Variants in STARD13 observed in about 807,000 individuals in gnomAD.
The protein encoded by STARD13 is stAR-related lipid transfer protein 13.
In STARD13, 62 loss-of-function variants were observed where a neutral mutation model predicts 106.4. That is an observed-to-expected ratio of 0.58 (90% CI 0.48 to 0.72). The LOEUF (loss-of-function observed/expected upper bound fraction) is 0.72. Ranked by LOEUF, STARD13 falls within the 30% of genes least tolerant of loss-of-function variation. The pLI is 0.00. For missense variants in STARD13, 1,387 were observed against 1,424.0 expected (o/e 0.97, Z 0.42); for synonymous variants, 565 against 553.0 (o/e 1.02, Z -0.31).
At chr13:33,117,258 G>T (rs377235404) in intron 8 of STARD13, among the ~76,000 whole-genome samples, 1 of 152,082 alleles carries the variant, frequency 6.6e-6, no homozygotes, top group African/African-American at 2.4e-5. Flanking sequence ...TCAGGCACCC[G>T]CCACCATGCC....
chr13:33,291,701 C>T (rs1344678366), intron 1 of STARD13, among the ~76,000 whole-genome samples: 1 of 152,136 alleles, frequency 6.6e-6, no homozygotes, highest in Non-Finnish European at 1.5e-5. Context: ...AGAAATTTAC[C>T]ACTATACCCC....
At chr13:33,359,465 C>T in the STARD13 span, 16 of 176,858 alleles carry the variant, frequency 9.0e-5, no homozygotes, top group East Asian at 6.8e-4. Flanking sequence ...TAACACTCAC[C>T]GCGAGGGTCC....
the STARD13 span, among the ~76,000 whole-genome samples, chr13:33,482,175 A>G: frequency 1.5e-3 from 234 of 152,282 alleles, no homozygotes; most frequent in African/African-American, 5.2e-3. Flanking sequence ...TTGCTTCAAA[A>G]TAATATAGGT....
chr13:33,376,930 C>T, the STARD13 span, among the ~76,000 whole-genome samples: 11 of 152,208 alleles, frequency 7.2e-5, 1 homozygote, highest in South Asian at 2.1e-3. Flanking sequence ...AGAAGACAGG[C>T]CTGGGGCCAC....
chr13:33,109,063 G>T (rs1456886564), intron 12 of STARD13, among the ~76,000 whole-genome samples: 3 of 152,184 alleles, frequency 2.0e-5, no homozygotes, highest in Non-Finnish European at 4.4e-5. Flanking sequence ...GTTTCATAAA[G>T]AAAGCGTTTT....
At chr13:33,508,361 A>T in the STARD13 span, among the ~76,000 whole-genome samples, 2 of 152,328 alleles carry the variant, frequency 1.3e-5, no homozygotes, top group Admixed American at 1.3e-4. Flanking sequence ...GTCTTTGCTA[A>T]CAAGTGGAAA....
At chr13:33,206,489 T>TATAA (rs2138119575) in intron 1 of STARD13, among the ~76,000 whole-genome samples, 1 of 152,054 alleles carries the variant, frequency 6.6e-6, no homozygotes, top group East Asian at 1.9e-4. Flanking sequence ...TATAACAAAA[T>TATAA]CAGTGCACAT....
chr13:33,280,020 T>C (rs1891687764), intron 1 of STARD13: 1 of 152,050 alleles, frequency 6.6e-6, no homozygotes. Context: ...GACTGATGCA[T>C]TCTCAGCCTG....
the STARD13 span, among the ~76,000 whole-genome samples, chr13:33,447,211 C>T: frequency 6.6e-6 from 1 of 152,208 alleles, no homozygotes; most frequent in Non-Finnish European, 1.5e-5. Flanking sequence ...ATGCAAGAAA[C>T]CGCAAGGACC....
the STARD13 span, among the ~76,000 whole-genome samples, chr13:33,638,342 GAGACATA>G: frequency 1.3e-5 from 2 of 152,058 alleles, no homozygotes; most frequent in Non-Finnish European, 2.9e-5. Context: ...AGACATAAGT[GAGACATA>G]AGACATAAGA....
the STARD13 span, chr13:33,355,708 C>G: frequency 6.6e-6 from 1 of 152,072 alleles, no homozygotes; most frequent in Non-Finnish European, 1.5e-5. Flanking sequence ...TACTTATTTC[C>G]TCATTTTAAA....
the STARD13 span, among the ~76,000 whole-genome samples, chr13:33,581,467 CTT>C: frequency 3.3e-5 from 5 of 152,036 alleles, no homozygotes; most frequent in South Asian, 2.1e-4. Flanking sequence ...AAAAATAAGA[CTT>C]GTGCAGCAAC....
chr13:33,605,851 G>A, the STARD13 span, among the ~76,000 whole-genome samples: 3 of 152,136 alleles, frequency 2.0e-5, no homozygotes, highest in African/African-American at 7.2e-5. Flanking sequence ...TTGGGATGTC[G>A]ATTCTCTTTA....
At chr13:33,185,299 G>A (rs550008055) in intron 1 of STARD13, among the ~76,000 whole-genome samples, 18 of 152,308 alleles carry the variant, frequency 1.2e-4, no homozygotes, top group African/African-American at 3.8e-4. Context: ...TCAGCAACAC[G>A]AAGTGCTGGA....
the STARD13 span, among the ~76,000 whole-genome samples, chr13:33,640,223 T>A: frequency 6.6e-6 from 1 of 152,242 alleles, no homozygotes; most frequent in Non-Finnish European, 1.5e-5. Context: ...TGCCCAGAGC[T>A]TCTGCAAGCT....
the STARD13 span, chr13:33,524,150 C>A: frequency 1.7e-6 from 1 of 597,760 alleles, no homozygotes; most frequent in Non-Finnish European, 2.2e-6. Flanking sequence ...TTTGTGAACA[C>A]AGTGCTGTTT....
At chr13:33,419,024 A>T in the STARD13 span, among the ~76,000 whole-genome samples, 8 of 152,242 alleles carry the variant, frequency 5.3e-5, no homozygotes, top group African/African-American at 1.9e-4. Context: ...AGAGCAGAAA[A>T]GCTGAAAATT....
chr13:33,295,266 G>A (rs1892444291), intron 1 of STARD13, among the ~76,000 whole-genome samples: 1 of 152,176 alleles, frequency 6.6e-6, no homozygotes, highest in African/African-American at 2.4e-5. Flanking sequence ...CCTGTAAAGA[G>A]AAGAGCACTA....
the STARD13 span, among the ~76,000 whole-genome samples, chr13:33,460,344 A>T: frequency 6.6e-6 from 1 of 151,884 alleles, no homozygotes; most frequent in African/African-American, 2.4e-5. Flanking sequence ...AAAAAAAAAT[A>T]GCTGGGTGTG....
Sources: allele counts gnomAD v4.1 joint callset (sites outside exome capture counted in the v4.1 genomes callset), GRCh38; gene constraint gnomAD v4.1.1; transcripts MANE v1.5; gene names NCBI Gene and HGNC (gene_info 2026-07-23, HGNC 2026-07-21).